Variants in TBCK observed in about 807,000 individuals in gnomAD.
The protein encoded by TBCK is TBC1 domain containing kinase.
TBCK carries 99 observed loss-of-function variants against 113.4 expected under a neutral mutation model. The ratio of observed to expected loss-of-function variants is 0.87; its 90% CI spans 0.74 to 1.03. TBCK has a LOEUF of 1.03. TBCK is among the 50% of genes least tolerant of loss of function. The pLI, the probability that TBCK is intolerant of heterozygous loss-of-function variation, is 0.00. For missense variants in TBCK, 1,045 were observed against 1,061.3 expected (o/e 0.98, Z 0.21); for synonymous variants, 369 against 370.8 (o/e 1.00, Z 0.05).
intron 12 of TBCK, chr4:106,237,410 A>G (rs1355303387): frequency 2.3e-6 from 1 of 434,534 alleles, no homozygotes; most frequent in Non-Finnish European, 4.6e-6. Context: ...GTATTCTTCA[A>G]AATCATAAGC....
chr4:106,057,892 T>C (rs1416322315), intron 25 of TBCK, among the ~76,000 whole-genome samples: 1 of 151,782 alleles, frequency 6.6e-6, no homozygotes, highest in Non-Finnish European at 1.5e-5. Flanking sequence ...AGGGACTATA[T>C]CTTTTTCATT....
intron 12 of TBCK, among the ~76,000 whole-genome samples, chr4:106,239,055 T>C (rs1199940859): frequency 1.3e-5 from 2 of 151,970 alleles, no homozygotes; most frequent in Non-Finnish European, 2.9e-5. Flanking sequence ...CAATCTGAAA[T>C]ACAGCCAGAG....
chr4:106,135,745 A>G (rs1746481069), intron 23 of TBCK, among the ~76,000 whole-genome samples: 1 of 141,944 alleles, frequency 7.0e-6, no homozygotes, highest in South Asian at 2.4e-4. Context: ...AATTAACAAA[A>G]CAAAGATACT....
chr4:106,226,921 C>T (rs1216478706), intron 19 of TBCK, among the ~76,000 whole-genome samples: 2 of 152,084 alleles, frequency 1.3e-5, no homozygotes, highest in East Asian at 1.9e-4. Flanking sequence ...TGGAACATTA[C>T]TTCATAAATT....
At position 106,154,738 on chromosome 4, in the gene TBCK, C is replaced by T. The variant is rs528140610; in HGVS notation, c.2235+16357G>A. On this transcript the variant is annotated intron_variant, in intron 23 of 25. Coordinates refer to ENST00000394708, the MANE Select transcript of TBCK (RefSeq NM_001163435.3). ...AGGCAGACAGGTGCTGCCTTGCTTCCTGTACAGTGGAACTGTGAGTCAATT... is the reference window on the plus strand; with the variant it reads ...AGGCAGACAGGTGCTGCCTTGCTTCTTGTACAGTGGAACTGTGAGTCAATT... Among the ~76,000 whole-genome samples the T allele has an allele frequency of 7.6e-4, 116 of 152,284 alleles. 1 individual carries two copies. The highest frequency in any genetic ancestry group is 2.7e-3 in the African/African-American group (114 of 41,578).
intron 22 of TBCK, among the ~76,000 whole-genome samples, chr4:106,189,367 A>C (rs1299996344): frequency 6.7e-6 from 1 of 150,142 alleles, no homozygotes; most frequent in Non-Finnish European, 1.5e-5. Flanking sequence ...AAAGAAAAAT[A>C]GACATGCATG....
intron 25 of TBCK, among the ~76,000 whole-genome samples, chr4:106,056,652 T>C (rs1022945908): frequency 6.6e-6 from 1 of 151,546 alleles, no homozygotes; most frequent in African/African-American, 2.4e-5. Flanking sequence ...GCTTCTAGGT[T>C]TTCCTCATCC....
intron 23 of TBCK, among the ~76,000 whole-genome samples, chr4:106,144,845 G>T (rs781017352): frequency 1.3e-5 from 2 of 151,432 alleles, no homozygotes; most frequent in Non-Finnish European, 2.9e-5. Context: ...CCATCATGGA[G>T]AAACCCCGTC....
intron 23 of TBCK, among the ~76,000 whole-genome samples, chr4:106,145,520 A>G (rs1214623199): frequency 6.6e-6 from 1 of 152,198 alleles, no homozygotes; most frequent in East Asian, 1.9e-4. Flanking sequence ...CTAAACCATG[A>G]CAAAAAAGTG....
At chr4:106,153,462 T>C (rs745309613) in intron 23 of TBCK, among the ~76,000 whole-genome samples, 7 of 152,118 alleles carry the variant, frequency 4.6e-5, no homozygotes, top group Non-Finnish European at 8.8e-5. Flanking sequence ...TGCTTTGTCT[T>C]AAACATATGG....
rs1578737230 is a variant in TBCK, at chr4:106,045,886, T to C, written c.*684A>G. On this transcript the variant is annotated 3_prime_UTR_variant, in exon 26 of 26. Coordinates refer to ENST00000394708, the MANE Select transcript of TBCK (RefSeq NM_001163435.3). ...ACCAGTAGACTAGCCCTGGACTGAC[T>C]GTACAGACTTTCATGTGATAAAGAA... is the stretch of plus-strand genomic sequence containing the variant. The C allele has an allele frequency of 1.3e-5, 2 of 152,236 alleles. No individual in the cohort carries two copies. Among genetic ancestry groups the C allele is most frequent in the East Asian group, 3.9e-4 (2 of 5,192 alleles). The allele number at this position is 152,236 out of a possible 1,614,324, so 9.4% of individuals were successfully genotyped here. A position where few individuals can be genotyped will look rare whatever the true frequency, so the allele number is the denominator to read the frequency against.
At chr4:106,099,999 C>G (rs556411051) in intron 24 of TBCK, among the ~76,000 whole-genome samples, 1 of 152,170 alleles carries the variant, frequency 6.6e-6, no homozygotes, top group Admixed American at 6.6e-5. Flanking sequence ...AAATCATGCA[C>G]TGTTACCAAT....
intron 23 of TBCK, among the ~76,000 whole-genome samples, chr4:106,159,010 T>A (rs1475698815): frequency 6.7e-6 from 1 of 150,000 alleles, no homozygotes; most frequent in African/African-American, 2.5e-5. Context: ...ATCCATATGA[T>A]ACATTACATT....
intron 24 of TBCK, among the ~76,000 whole-genome samples, chr4:106,097,317 CCTTATT>C (rs1275008113): frequency 3.3e-5 from 5 of 152,100 alleles, no homozygotes; most frequent in African/African-American, 1.2e-4. Flanking sequence ...ACCACACTTT[CCTTATT>C]CTTAATCTAC....
intron 3 of TBCK, among the ~76,000 whole-genome samples, chr4:106,286,429 C>G (rs940218747): frequency 6.6e-6 from 1 of 152,118 alleles, no homozygotes; most frequent in African/African-American, 2.4e-5. Context: ...AAATGGTAAG[C>G]ACAGAAATGC....
chr4:106,262,282 G>A lies in TBCK; in HGVS notation c.267-70C>T, dbSNP rs147915439. 22 of 767,618 alleles carry A rather than the reference G, an allele frequency of 2.9e-5. No homozygotes were observed. In the East Asian group the frequency reaches 5.6e-4, roughly 20 times the overall value. 47.6% of individuals were successfully genotyped at this position (767,618 alleles called of 1,614,324 possible). A position where few individuals can be genotyped will look rare whatever the true frequency, so the allele number is the denominator to read the frequency against. On this transcript the variant is annotated intron_variant, in intron 3 of 25. Coordinates refer to ENST00000394708, the MANE Select transcript of TBCK (RefSeq NM_001163435.3). ...AATAACTTGTTTTAACAAGTGAAAT[G>A]TGACCTAGTGAAAATATTCAAAAAG... is the stretch of plus-strand genomic sequence containing the variant.
At chr4:106,285,382 T>C (rs1765015046) in intron 3 of TBCK, among the ~76,000 whole-genome samples, 1 of 152,090 alleles carries the variant, frequency 6.6e-6, no homozygotes, top group Non-Finnish European at 1.5e-5. Flanking sequence ...AGCTTCACGA[T>C]AGGCTTAAAT....
intron 23 of TBCK, among the ~76,000 whole-genome samples, chr4:106,124,741 T>G (rs1466111040): frequency 1.3e-5 from 2 of 151,712 alleles, no homozygotes; most frequent in Non-Finnish European, 2.9e-5. Flanking sequence ...TTCAGTAAAC[T>G]ATCGCAAGAA....
At chr4:106,184,212 T>C (rs1401129492) in intron 22 of TBCK, among the ~76,000 whole-genome samples, 1 of 152,068 alleles carries the variant, frequency 6.6e-6, no homozygotes, top group Non-Finnish European at 1.5e-5. Context: ...TATCTAAAAC[T>C]TAACTCACTA....
Sources: allele counts gnomAD v4.1 joint callset (sites outside exome capture counted in the v4.1 genomes callset), GRCh38; gene constraint gnomAD v4.1.1; transcripts MANE v1.5; gene names NCBI Gene and HGNC (gene_info 2026-07-23, HGNC 2026-07-21).